TTLL5: variants seen among roughly 807,000 people sequenced by gnomAD.
The protein encoded by TTLL5 is tubulin tyrosine ligase like 5, also known as tubulin polyglutamylase TTLL5.
TTLL5 carries 132 observed loss-of-function variants against 168.4 expected under a neutral mutation model. That is an observed-to-expected ratio of 0.78 (90% confidence interval 0.68 to 0.91). The LOEUF (loss-of-function observed/expected upper bound fraction) is 0.91. TTLL5 is among the 40% of genes least tolerant of loss of function. The probability of loss-of-function intolerance (pLI) is 0.00; values close to 1 mark genes in which losing one functional copy is unlikely to be tolerated. For missense variants in TTLL5, 1,545 were observed against 1,581.5 expected (o/e 0.98, Z 0.39); for synonymous variants, 546 against 558.6 (o/e 0.98, Z 0.32).
intron 18 of TTLL5, among the ~76,000 whole-genome samples, chr14:75,755,801 A>G (rs1157373825): frequency 6.6e-6 from 1 of 152,096 alleles, no homozygotes; most frequent in Non-Finnish European, 1.5e-5. Flanking sequence ...TAATTTTGTT[A>G]TTATTAGGAC....
At chr14:75,798,015 A>G (rs1338404410) in intron 27 of TTLL5, among the ~76,000 whole-genome samples, 1 of 151,902 alleles carries the variant, frequency 6.6e-6, no homozygotes. Flanking sequence ...AGTTTCAATA[A>G]GATTCGTCTA....
chr14:75,908,475 C>A (rs764195213), intron 31 of TTLL5, among the ~76,000 whole-genome samples: 1 of 152,238 alleles, frequency 6.6e-6, no homozygotes, highest in Non-Finnish European at 1.5e-5. Context: ...AATGTCATCA[C>A]CGGCCATGAC....
chr14:75,715,614 G>GA (rs1289735938), intron 9 of TTLL5, among the ~76,000 whole-genome samples: 1 of 152,140 alleles, frequency 6.6e-6, no homozygotes, highest in Non-Finnish European at 1.5e-5. Flanking sequence ...GACTGAGGGA[G>GA]ATATGGAGTG....
At chr14:75,869,013 AGTGTGT>A (rs3138589) in intron 29 of TTLL5, among the ~76,000 whole-genome samples, 2,323 of 124,482 alleles carry the variant, frequency 0.019, 27 homozygotes, top group South Asian at 0.025. Flanking sequence ...AGAGGGGAGG[AGTGTGT>A]GTGTGTGTGT....
chr14:75,761,033 CAAT>C (rs1890609142), intron 18 of TTLL5, among the ~76,000 whole-genome samples: 1 of 151,856 alleles, frequency 6.6e-6, no homozygotes, highest in Admixed American at 6.6e-5. Flanking sequence ...TCCTACAACT[CAAT>C]AATAAAAAGA....
At position 75,875,230 on chromosome 14, in the gene TTLL5, G is replaced by T. The variant is rs1176819361; in HGVS notation, c.3523-7455G>T. On this transcript the variant is annotated intron_variant, in intron 29 of 31. Coordinates refer to ENST00000298832, the MANE Select transcript of TTLL5 (RefSeq NM_015072.5). ...TTACAGGCGTGAGCCACTGCGCGCGGCCTATATTTTTTAACTCAAAAATCT... is the reference window on the plus strand; with the variant it reads ...TTACAGGCGTGAGCCACTGCGCGCGTCCTATATTTTTTAACTCAAAAATCT... Among the ~76,000 whole-genome samples, 9 of 149,544 alleles carry T rather than the reference G, an allele frequency of 6.0e-5. No individual in the cohort carries two copies. In the East Asian group the frequency reaches 1.8e-3, roughly 30 times the overall value.
intron 30 of TTLL5, among the ~76,000 whole-genome samples, chr14:75,892,232 A>G (rs1412818015): frequency 1.3e-5 from 2 of 152,230 alleles, no homozygotes; most frequent in Non-Finnish European, 2.9e-5. Context: ...CTGTGCTGCA[A>G]ATACATAGCT....
intron 28 of TTLL5, among the ~76,000 whole-genome samples, chr14:75,851,076 A>G (rs1362906760): frequency 1.4e-5 from 2 of 143,598 alleles, no homozygotes; most frequent in African/African-American, 5.3e-5. Context: ...GGCCTGAGTG[A>G]CAGAGTGAGA....
At chr14:75,893,214 G>T (rs763886364) in intron 30 of TTLL5, among the ~76,000 whole-genome samples, 1 of 152,146 alleles carries the variant, frequency 6.6e-6, no homozygotes, top group Non-Finnish European at 1.5e-5. Flanking sequence ...AATTGGACAA[G>T]CAACGCTTTT....
chr14:75,774,417 C>G (rs1891589737), intron 21 of TTLL5, among the ~76,000 whole-genome samples: 1 of 152,192 alleles, frequency 6.6e-6, no homozygotes, highest in South Asian at 2.1e-4. Context: ...TATTACCTTT[C>G]AAACTACTGT....
At chr14:75,841,216 A>G (rs1395012892) in intron 28 of TTLL5, among the ~76,000 whole-genome samples, 1 of 152,138 alleles carries the variant, frequency 6.6e-6, no homozygotes. Context: ...AAACAGCCAA[A>G]CCGTATCACC....
intron 28 of TTLL5, among the ~76,000 whole-genome samples, chr14:75,822,104 T>A (rs1205103430): frequency 6.6e-6 from 1 of 152,192 alleles, no homozygotes; most frequent in Non-Finnish European, 1.5e-5. Context: ...CAGACTTGGC[T>A]GTGATATAGG....
At chr14:75,943,961 G>A (rs545907297) in intron 31 of TTLL5, among the ~76,000 whole-genome samples, 20 of 152,274 alleles carry the variant, frequency 1.3e-4, no homozygotes, top group African/African-American at 4.8e-4. Flanking sequence ...ATTGAAGAGA[G>A]CTTTAATGAA....
At chr14:75,727,855 A>T (rs1024026041) in intron 12 of TTLL5, 3 of 502,378 alleles carry the variant, frequency 6.0e-6, no homozygotes, top group African/African-American at 1.9e-5. Context: ...GTTGTCAGGG[A>T]TGGGGGAAAG....
intron 28 of TTLL5, among the ~76,000 whole-genome samples, chr14:75,831,512 A>AGCCACC (rs1895562508): frequency 6.6e-6 from 1 of 152,100 alleles, no homozygotes; most frequent in Non-Finnish European, 1.5e-5. Context: ...TACTGCCCAC[A>AGCCACC]GCCACCGCCA....
chr14:75,895,914 C>T (rs554137086), intron 30 of TTLL5, among the ~76,000 whole-genome samples: 2 of 151,766 alleles, frequency 1.3e-5, no homozygotes, highest in African/African-American at 2.4e-5. Context: ...GTTGAAGGAA[C>T]GAATGAAATT....
intron 30 of TTLL5, among the ~76,000 whole-genome samples, chr14:75,900,809 T>C (rs894799570): frequency 6.6e-6 from 1 of 152,246 alleles, no homozygotes; most frequent in African/African-American, 2.4e-5. Flanking sequence ...CCTTGACCAC[T>C]GTTCTCATCA....
At chr14:75,940,711 T>C (rs1245982965) in intron 31 of TTLL5, among the ~76,000 whole-genome samples, 1 of 152,216 alleles carries the variant, frequency 6.6e-6, no homozygotes, top group Admixed American at 6.5e-5. Flanking sequence ...AAAGAAACAC[T>C]TTTCACTGAA....
At chr14:75,887,644 T>C (rs768550205) in intron 30 of TTLL5, among the ~76,000 whole-genome samples, 2 of 152,318 alleles carry the variant, frequency 1.3e-5, no homozygotes, top group East Asian at 1.9e-4. Flanking sequence ...CTGGAACTTA[T>C]ATGACCCGCT....
Sources: allele counts gnomAD v4.1 joint callset (sites outside exome capture counted in the v4.1 genomes callset), GRCh38; gene constraint gnomAD v4.1.1; transcripts MANE v1.5; gene names NCBI Gene and HGNC (gene_info 2026-07-23, HGNC 2026-07-21).